CPED1: variants seen among roughly 807,000 people sequenced by gnomAD.
CPED1 encodes cadherin-like and PC-esterase domain-containing protein 1.
A neutral mutation model predicts 128.2 loss-of-function variants in CPED1; 114 were observed. That is an observed-to-expected ratio of 0.89 (90% CI 0.76 to 1.04). The LOEUF (loss-of-function observed/expected upper bound fraction) is 1.04. CPED1 is among the 50% of genes least tolerant of loss of function. The pLI is 0.00. For missense variants in CPED1, 1,211 were observed against 1,207.1 expected, an observed-to-expected ratio of 1.00 and a Z score of -0.05; for synonymous variants, 462 against 426.7, an observed-to-expected ratio of 1.08 and a Z score of -1.02.
chr7:121,286,913 C>T (rs1792590704), intron 22 of CPED1, among the ~76,000 whole-genome samples: 1 of 152,154 alleles, frequency 6.6e-6, no homozygotes, highest in South Asian at 2.1e-4. Flanking sequence ...CCTCAGGAAA[C>T]TTATGAGTGT....
In CPED1 at chr7:121,295,532, C is replaced by T. The variant is rs1792804628; in HGVS notation, c.2961C>T (p.Ser987=). The T allele has an allele frequency of 1.9e-6, 3 of 1,613,876 alleles. No individual in the cohort carries two copies. Among genetic ancestry groups the T allele is most frequent in the Non-Finnish European group, 2.5e-6 (3 of 1,179,912 alleles). ...HIMGRYFSNQ[S]KLQQGTVTNF... Reference sequence around the variant, plus strand: ...TGGGAAGATATTTCAGCAATCAAAGCAAACTACAACAAGGCACTGTAACAA... The same window carrying T: ...TGGGAAGATATTTCAGCAATCAAAGTAAACTACAACAAGGCACTGTAACAA... The change falls in exon 23 of 23, where the codon AGC becomes AGT. Residue 987 remains serine, a synonymous_variant. Coordinates refer to ENST00000310396, the MANE Select transcript of CPED1 (RefSeq NM_024913.5).
intron 16 of CPED1, among the ~76,000 whole-genome samples, chr7:121,224,183 A>G (rs1179871276): frequency 6.6e-6 from 1 of 152,154 alleles, no homozygotes; most frequent in Non-Finnish European, 1.5e-5. Context: ...GGTTTCAAAG[A>G]ACATCTTTAT....
intron 2 of CPED1, among the ~76,000 whole-genome samples, chr7:120,994,652 TGTGTG>T (rs1796363532): frequency 7.1e-6 from 1 of 141,506 alleles, no homozygotes; most frequent in Admixed American, 6.8e-5. Context: ...TGTGTGTGTG[TGTGTG>T]TGTTGTTGTT....
chr7:121,060,239 G>A (rs1179267850), intron 4 of CPED1, among the ~76,000 whole-genome samples: 1 of 152,236 alleles, frequency 6.6e-6, no homozygotes, highest in East Asian at 1.9e-4. Flanking sequence ...GGGCTCCTGT[G>A]CGGCCGGAGC....
chr7:121,261,594 C>T (rs1417992182), intron 18 of CPED1: 41 of 1,596,878 alleles, frequency 2.6e-5, no homozygotes, highest in Non-Finnish European at 3.4e-5. Context: ...AGCGCTGGCC[C>T]ATAGAAAACC....
intron 9 of CPED1, among the ~76,000 whole-genome samples, chr7:121,126,235 G>A (rs1405364216): frequency 1.3e-5 from 2 of 151,792 alleles, no homozygotes; most frequent in African/African-American, 4.8e-5. Flanking sequence ...TCACATGAGG[G>A]TATAAAAAGA....
At chr7:121,137,280 T>G (rs1000426083) in intron 14 of CPED1, among the ~76,000 whole-genome samples, 22 of 152,114 alleles carry the variant, frequency 1.4e-4, no homozygotes, top group Middle Eastern at 6.8e-3. Flanking sequence ...CAAGCAATCC[T>G]CCTCCTTCAT....
intron 7 of CPED1, among the ~76,000 whole-genome samples, chr7:121,106,238 C>T (rs1251153864): frequency 6.6e-6 from 1 of 151,958 alleles, no homozygotes; most frequent in East Asian, 1.9e-4. Context: ...GGCATATTTT[C>T]CCTTCTGAAC....
At chr7:121,285,824 C>T (rs565727488) in intron 22 of CPED1, among the ~76,000 whole-genome samples, 2 of 152,320 alleles carry the variant, frequency 1.3e-5, no homozygotes, top group South Asian at 4.1e-4. Flanking sequence ...CAAACATTTT[C>T]CTGTCTTCTT....
intron 9 of CPED1, 61 bp from the exon 10 acceptor site, chr7:121,127,029 A>T: frequency 8.1e-7 from 1 of 1,236,368 alleles, no homozygotes; most frequent in Non-Finnish European, 1.1e-6. Flanking sequence ...CTTAGAAGTA[A>T]TTCCATTGTC....
chr7:121,109,682 C>G (rs548158786), intron 7 of CPED1, among the ~76,000 whole-genome samples: 1 of 152,102 alleles, frequency 6.6e-6, no homozygotes, highest in South Asian at 2.1e-4. Context: ...TTCTGAATAA[C>G]TTCTACTAGA....
intron 18 of CPED1, among the ~76,000 whole-genome samples, chr7:121,264,175 C>G (rs1792077864): frequency 6.6e-6 from 1 of 152,058 alleles, no homozygotes; most frequent in African/African-American, 2.4e-5. Context: ...TGATGTTGGA[C>G]TTCTAGCCTC....
intron 16 of CPED1, among the ~76,000 whole-genome samples, chr7:121,173,888 G>T: frequency 6.6e-6 from 1 of 152,030 alleles, no homozygotes; most frequent in Non-Finnish European, 1.5e-5. Flanking sequence ...AACATCACCA[G>T]CATGTGTTAT....
intron 4 of CPED1, 132 bp from the exon 5 acceptor site, chr7:121,064,105 AG>A (rs1563011571): frequency 1.7e-6 from 1 of 571,784 alleles, no homozygotes; most frequent in Non-Finnish European, 3.2e-6. Flanking sequence ...TGACTTGCAG[AG>A]ATTTGAAGGT....
chr7:121,127,999 A>G (rs1795551466), intron 10 of CPED1, among the ~76,000 whole-genome samples: 1 of 152,178 alleles, frequency 6.6e-6, no homozygotes. Flanking sequence ...AGTGCTCCAG[A>G]TTGACGTCAG....
chr7:121,211,341 G>A (rs546400104), intron 16 of CPED1, among the ~76,000 whole-genome samples: 6 of 152,112 alleles, frequency 3.9e-5, no homozygotes, highest in Non-Finnish European at 8.8e-5. Flanking sequence ...AATCAGTAGT[G>A]TCTAATGCTA....
intron 6 of CPED1, among the ~76,000 whole-genome samples, chr7:121,098,987 G>A (rs1367299498): frequency 1.3e-5 from 2 of 150,602 alleles, no homozygotes; most frequent in African/African-American, 2.4e-5. Context: ...TTAAACTGGT[G>A]TTACTTTTCC....
intron 3 of CPED1, among the ~76,000 whole-genome samples, chr7:121,026,666 T>TA (rs36038620): frequency 2.1e-4 from 29 of 136,626 alleles, no homozygotes; most frequent in Middle Eastern, 3.6e-3. Flanking sequence ...CATCATTATT[T>TA]AAAAAAAAAA....
At chr7:121,264,102 A>G (rs1045159473) in intron 18 of CPED1, among the ~76,000 whole-genome samples, 14 of 152,170 alleles carry the variant, frequency 9.2e-5, no homozygotes, top group Admixed American at 7.9e-4. Context: ...GAAAGACACA[A>G]ATAAAAGATA....
Sources: allele counts gnomAD v4.1 joint callset (sites outside exome capture counted in the v4.1 genomes callset), GRCh38; gene constraint gnomAD v4.1.1; transcripts MANE v1.5; gene names NCBI Gene and HGNC (gene_info 2026-07-23, HGNC 2026-07-21).